EFTUD2: variants seen among roughly 807,000 people sequenced by gnomAD.
EFTUD2 encodes the protein elongation factor Tu GTP binding domain containing 2, also known as 116 kDa U5 small nuclear ribonucleoprotein component.
A neutral mutation model predicts 114.3 loss-of-function variants in EFTUD2; 9 were observed. The ratio of observed to expected loss-of-function variants is 0.08; its 90% CI spans 0.05 to 0.14. EFTUD2 has a LOEUF of 0.14. Among genes scored for constraint, EFTUD2 ranks in the 10% least tolerant of loss-of-function variants. The pLI is 1.00. For missense variants in EFTUD2, 765 were observed against 1,241.2 expected, an observed-to-expected ratio of 0.62 and a Z score of 5.76; for synonymous variants, 449 against 462.3, an observed-to-expected ratio of 0.97 and a Z score of 0.37.
chr17:44,862,684 C>T (rs991828244), intron 16 of EFTUD2, 29 bp downstream of exon 16: 3 of 1,597,080 alleles, frequency 1.9e-6, no homozygotes, highest in African/African-American at 1.3e-5. Flanking sequence ...GACACCAAGG[C>T]ATACTCCTGG....
intron 1 of EFTUD2, among the ~76,000 whole-genome samples, chr17:44,897,565 T>C (rs1473993415): frequency 6.6e-6 from 1 of 152,176 alleles, no homozygotes; most frequent in Non-Finnish European, 1.5e-5. Context: ...TTTTACATTT[T>C]TATTTTTTTA....
At chr17:44,869,267 C>T (rs981754930) in intron 11 of EFTUD2, among the ~76,000 whole-genome samples, 1 of 152,128 alleles carries the variant, frequency 6.6e-6, no homozygotes, top group African/African-American at 2.4e-5. Context: ...TGTTTATGCC[C>T]TCTGTTAATG....
At chr17:44,876,139 A>C in intron 9 of EFTUD2, 39 bp from the exon 10 acceptor site, 2 of 1,583,622 alleles carry the variant, frequency 1.3e-6, no homozygotes, top group South Asian at 2.2e-5. Flanking sequence ...AAGAAGAACA[A>C]GGAGGGCAGA....
intron 11 of EFTUD2, 38 bp downstream of exon 11, chr17:44,872,406 CAG>C: frequency 1.2e-6 from 2 of 1,607,024 alleles, no homozygotes; most frequent in Non-Finnish European, 1.7e-6. Flanking sequence ...ACACAGGACT[CAG>C]GGGAAGCTGG....
intron 13 of EFTUD2, among the ~76,000 whole-genome samples, chr17:44,867,093 T>C (rs1449787192): frequency 1.3e-5 from 2 of 152,110 alleles, no homozygotes; most frequent in Non-Finnish European, 2.9e-5. Context: ...GGCGACAGAG[T>C]GGGACCCTAT....
At chr17:44,868,716 T>C (rs2050795371) in intron 11 of EFTUD2, among the ~76,000 whole-genome samples, 1 of 152,170 alleles carries the variant, frequency 6.6e-6, no homozygotes, top group Non-Finnish European at 1.5e-5. Flanking sequence ...GAAGGGGAAT[T>C]TAATGGTTCT....
chr17:44,862,914 A>AG lies in EFTUD2; in HGVS notation c.1414-9dup. 1 of 1,606,124 alleles carries AG rather than the reference A, an allele frequency of 6.2e-7. No homozygotes were observed. The highest frequency in any genetic ancestry group is 8.5e-7 in the Non-Finnish European group (1 of 1,173,578). ...GTGGCACATCAGGGGGCCCTGGAAG[A>AG]GGGGACAGGGTGCAGCTTCAACCAC... is the stretch of plus-strand genomic sequence containing the variant. On this transcript the variant is annotated splice_polypyrimidine_tract_variant and intron_variant, in intron 15 of 27. Coordinates refer to ENST00000426333, the MANE Select transcript of EFTUD2 (RefSeq NM_004247.4).
intron 20 of EFTUD2, 93 bp downstream of exon 20, chr17:44,856,982 G>A (rs1021390130): frequency 4.7e-6 from 5 of 1,054,588 alleles, no homozygotes; most frequent in African/African-American, 4.7e-5. Context: ...GTCTCTATGT[G>A]CATAGTGCTC....
At position 44,850,083 on chromosome 17, in the gene EFTUD2, T is replaced by C. The variant is rs1351820452; in HGVS notation, c.*1191A>G. ...ATAACCACCCCTGGCCTGCCTACCTTGCAGGCTGCTGTGAGGTTTCTCAGA... is the reference window on the plus strand; with the variant it reads ...ATAACCACCCCTGGCCTGCCTACCTCGCAGGCTGCTGTGAGGTTTCTCAGA... On this transcript the variant is annotated 3_prime_UTR_variant, in exon 28 of 28. Transcript: ENST00000426333. 9 of 410,692 alleles carry C rather than the reference T, an allele frequency of 2.2e-5. No homozygotes were observed. Among genetic ancestry groups the C allele is most frequent in the Non-Finnish European group, 4.0e-5 (9 of 222,518 alleles). The allele number at this position is 410,692 out of a possible 1,614,324, so 25.4% of individuals were successfully genotyped here.
Position 44,876,069 on chromosome 17 carries a change from T to A in EFTUD2, c.734A>T (p.His245Leu), listed in dbSNP as rs760166112. ...GACTGCCAGCCTCTCCTGCACCGCATGCTTGATCAGCCGCTCTGTGTTCAG... is the reference window on the plus strand; with the variant it reads ...GACTGCCAGCCTCTCCTGCACCGCAAGCTTGATCAGCCGCTCTGTGTTCAG... ...VMLNTERLIKHAVQERLAVTV... is the reference protein window; with the variant it reads ...VMLNTERLIKLAVQERLAVTV... Residue 245 changes from histidine to leucine, a missense_variant, in exon 10 of 28, where the codon CAT (histidine) becomes CTT (leucine). Transcript: ENST00000426333. The A allele has an allele frequency of 1.2e-6, 2 of 1,613,848 alleles. No homozygotes were observed. The highest frequency in any genetic ancestry group is 1.7e-6 in the Non-Finnish European group (2 of 1,179,922).
intron 16 of EFTUD2, 23 bp from the exon 17 acceptor site, chr17:44,860,566 G>C: frequency 7.1e-7 from 1 of 1,407,808 alleles, no homozygotes; most frequent in Non-Finnish European, 1.0e-6. Context: ...CCAATAAGCA[G>C]CAGTGAAACT....
Position 44,850,243 on chromosome 17 carries a change from G to C in EFTUD2, c.*1031C>G, listed in dbSNP as rs1597784449. Reference sequence around the variant, plus strand: ...GGGAAGCTGGACTCTCAAGGGAGCAGCTAGAGGTGAACCCCTAGGACGCCT... The same window carrying C: ...GGGAAGCTGGACTCTCAAGGGAGCACCTAGAGGTGAACCCCTAGGACGCCT... On this transcript the variant is annotated 3_prime_UTR_variant, in exon 28 of 28. Coordinates refer to ENST00000426333, the MANE Select transcript of EFTUD2 (RefSeq NM_004247.4). 1 of 980,314 alleles carries C rather than the reference G, an allele frequency of 1.0e-6. No homozygotes were observed. Among genetic ancestry groups the C allele is most frequent in the East Asian group, 2.5e-5 (1 of 40,554 alleles). 60.7% of individuals were successfully genotyped at this position (980,314 alleles called of 1,614,324 possible). A position where few individuals can be genotyped will look rare whatever the true frequency, so the allele number is the denominator to read the frequency against.
chr17:44,881,413 A>G (rs1036151360), intron 7 of EFTUD2, among the ~76,000 whole-genome samples: 1 of 151,680 alleles, frequency 6.6e-6, no homozygotes. Flanking sequence ...AAATGCAGAC[A>G]TCGCCTCTTA....
chr17:44,859,402 C>CAATGATTTAATTCCCATCTT (rs1352608155), intron 18 of EFTUD2: 17 of 584,370 alleles, frequency 2.9e-5, no homozygotes, highest in Non-Finnish European at 4.9e-5. Context: ...GGTGTGAAGT[C>CAATGATTTAATTCCCATCTT]AATGATTTAA....
chr17:44,884,483 C>T (rs1597821098), intron 4 of EFTUD2, among the ~76,000 whole-genome samples: 2 of 150,630 alleles, frequency 1.3e-5, no homozygotes, highest in African/African-American at 4.9e-5. Flanking sequence ...CATGCCACTG[C>T]ACTCCAGCCT....
chr17:44,885,579 G>C (rs1221760509), intron 3 of EFTUD2, among the ~76,000 whole-genome samples: 1 of 152,038 alleles, frequency 6.6e-6, no homozygotes, highest in Admixed American at 6.6e-5. Flanking sequence ...GGGAGGGAGG[G>C]GGAATGGATG....
At chr17:44,877,532 G>A (rs572797698) in intron 9 of EFTUD2, among the ~76,000 whole-genome samples, 9 of 152,292 alleles carry the variant, frequency 5.9e-5, no homozygotes, top group Admixed American at 4.6e-4. Flanking sequence ...TAGGCCAGGC[G>A]CAGTGGCTCA....
At chr17:44,897,657 C>G (rs899563290) in intron 1 of EFTUD2, among the ~76,000 whole-genome samples, 9 of 152,070 alleles carry the variant, frequency 5.9e-5, no homozygotes, top group Non-Finnish European at 1.0e-4. Context: ...CTCCGCCTCA[C>G]AGGTTCAAGC....
intron 16 of EFTUD2, among the ~76,000 whole-genome samples, chr17:44,862,211 G>A (rs1486316162): frequency 1.3e-5 from 2 of 152,156 alleles, no homozygotes; most frequent in Non-Finnish European, 1.5e-5. Flanking sequence ...GAGGTGGGAG[G>A]ATCACTTGAG....
Sources: allele counts gnomAD v4.1 joint callset (sites outside exome capture counted in the v4.1 genomes callset), GRCh38; gene constraint gnomAD v4.1.1; transcripts MANE v1.5; gene names NCBI Gene and HGNC (gene_info 2026-07-23, HGNC 2026-07-21).